PDE4B: variants seen among roughly 807,000 people sequenced by gnomAD.
PDE4B encodes 3',5'-cyclic-AMP phosphodiesterase 4B.
A neutral mutation model predicts 82.2 loss-of-function variants in PDE4B; 20 were observed. That is an observed-to-expected ratio of 0.24 (90% CI 0.17 to 0.35). The LOEUF (loss-of-function observed/expected upper bound fraction) is 0.35, where lower values mean the gene tolerates loss of function less well. Ranked by LOEUF, PDE4B falls within the 10% of genes least tolerant of loss-of-function variation. The pLI, the probability that PDE4B is intolerant of heterozygous loss-of-function variation, is 1.00. For missense variants in PDE4B, 655 were observed against 907.2 expected (o/e 0.72, Z 3.57); for synonymous variants, 320 against 318.9 (o/e 1.00, Z -0.04).
chr1:65,898,765 G>A (rs1463735022), intron 1 of PDE4B, among the ~76,000 whole-genome samples: 1 of 152,172 alleles, frequency 6.6e-6, no homozygotes. Flanking sequence ...CTAGCCAAAT[G>A]TAGGAGAATG....
intron 3 of PDE4B, among the ~76,000 whole-genome samples, chr1:66,186,838 C>G (rs535860474): frequency 6.6e-6 from 1 of 152,108 alleles, no homozygotes; most frequent in Non-Finnish European, 1.5e-5. Flanking sequence ...CTTCTCCTGC[C>G]TAATTGCCCG....
At chr1:66,000,246 A>G (rs1404447664) in intron 3 of PDE4B, among the ~76,000 whole-genome samples, 1 of 152,214 alleles carries the variant, frequency 6.6e-6, no homozygotes, top group African/African-American at 2.4e-5. Flanking sequence ...GAAGTGTTGT[A>G]TGGGGGAATC....
At chr1:66,055,925 T>C (rs1350599320) in intron 3 of PDE4B, among the ~76,000 whole-genome samples, 1 of 152,206 alleles carries the variant, frequency 6.6e-6, no homozygotes, top group Non-Finnish European at 1.5e-5. Context: ...TTCAATATTG[T>C]TCACATTCAT....
In PDE4B at chr1:66,196,358, T is replaced by C. The variant is rs563486614; in HGVS notation, c.282-51102T>C. On this transcript the variant is annotated intron_variant, in intron 3 of 16. Transcript: ENST00000341517. Reference sequence around the variant, plus strand: ...TAGGCCTTTTTCTGCATCAACAGTCTACAGAGCTGAGAGTCAAGCATTGAT... The same window carrying C: ...TAGGCCTTTTTCTGCATCAACAGTCCACAGAGCTGAGAGTCAAGCATTGAT... 5.4e-4 allele frequency among the ~76,000 whole-genome samples: 83 copies of C among 152,314 alleles called. 1 individual carries two copies. Among genetic ancestry groups the C allele is most frequent in the African/African-American group, 1.8e-3 (75 of 41,578 alleles).
At chr1:65,908,894 T>C (rs1334471610) in intron 1 of PDE4B, among the ~76,000 whole-genome samples, 1 of 152,156 alleles carries the variant, frequency 6.6e-6, no homozygotes. Flanking sequence ...AAGAAGACTT[T>C]TCCCTCTTGT....
intron 3 of PDE4B, among the ~76,000 whole-genome samples, chr1:66,071,135 TAA>T (rs1336751082): frequency 6.6e-6 from 1 of 152,086 alleles, no homozygotes; most frequent in Admixed American, 6.6e-5. Flanking sequence ...CTAATAATAT[TAA>T]GAGAGGGTCA....
At chr1:66,353,486 A>G (rs1661996114) in intron 8 of PDE4B, among the ~76,000 whole-genome samples, 1 of 152,246 alleles carries the variant, frequency 6.6e-6, no homozygotes, top group African/African-American at 2.4e-5. Context: ...GGAATGCCTC[A>G]CAGGAAAAAG....
chr1:66,022,386 G>C (rs1416507635), intron 3 of PDE4B, among the ~76,000 whole-genome samples: 2 of 152,176 alleles, frequency 1.3e-5, no homozygotes, highest in Non-Finnish European at 2.9e-5. Context: ...TCTTGTGCCA[G>C]TTTTTAAAGG....
chr1:65,829,111 G>A (rs1646052140), intron 1 of PDE4B, among the ~76,000 whole-genome samples: 1 of 152,132 alleles, frequency 6.6e-6, no homozygotes, highest in Admixed American at 6.5e-5. Flanking sequence ...TTAAATGTAA[G>A]AGGATATGGA....
At chr1:65,924,004 C>T (rs1647352643) in intron 3 of PDE4B, among the ~76,000 whole-genome samples, 1 of 150,658 alleles carries the variant, frequency 6.6e-6, no homozygotes, top group Admixed American at 6.6e-5. Flanking sequence ...TAATTTATTC[C>T]ACATTTTTTT....
intron 6 of PDE4B, among the ~76,000 whole-genome samples, chr1:66,260,776 C>T (rs1479560545): frequency 6.6e-6 from 1 of 152,116 alleles, no homozygotes; most frequent in African/African-American, 2.4e-5. Context: ...GGGTTTTGGT[C>T]CTTGTGAACT....
chr1:66,339,837 TG>T (rs1225762396), intron 8 of PDE4B, among the ~76,000 whole-genome samples: 16 of 115,602 alleles, frequency 1.4e-4, no homozygotes, highest in African/African-American at 2.8e-4. Context: ...TTTTTTTGTT[TG>T]TTTTTTTTGT....
chr1:66,248,769 A>T (rs1486539201), intron 4 of PDE4B, among the ~76,000 whole-genome samples: 1 of 152,260 alleles, frequency 6.6e-6, no homozygotes, highest in Non-Finnish European at 1.5e-5. Context: ...ACAGCTAAAT[A>T]AGAAAGATAA....
At chr1:66,134,545 C>T (rs2101122394) in intron 3 of PDE4B, among the ~76,000 whole-genome samples, 1 of 152,288 alleles carries the variant, frequency 6.6e-6, no homozygotes, top group African/African-American at 2.4e-5. Context: ...GCTTGTTGGG[C>T]TGAACATGGG....
intron 3 of PDE4B, among the ~76,000 whole-genome samples, chr1:66,221,075 A>C (rs563672714): frequency 6.6e-6 from 1 of 152,250 alleles, no homozygotes; most frequent in African/African-American, 2.4e-5. Flanking sequence ...AGATTTTGGG[A>C]GCACCTACAA....
intron 3 of PDE4B, among the ~76,000 whole-genome samples, chr1:65,990,168 A>G (rs1286650598): frequency 6.6e-6 from 1 of 152,142 alleles, no homozygotes; most frequent in Non-Finnish European, 1.5e-5. Flanking sequence ...AAGTGAAAAA[A>G]GTAATGTGGA....
chr1:65,987,447 G>C (rs2503192), intron 3 of PDE4B, among the ~76,000 whole-genome samples: 149,404 of 152,308 alleles, frequency 0.98, 73,333 homozygotes, highest in Middle Eastern at 1. Context: ...CTGGATCACC[G>C]TGGGAGCATG....
intron 3 of PDE4B, among the ~76,000 whole-genome samples, chr1:66,087,475 C>T (rs570244497): frequency 1.5e-3 from 234 of 152,190 alleles, no homozygotes; most frequent in Non-Finnish European, 1.8e-3. Context: ...GTTTCTTTTG[C>T]TGTGCAGAAG....
At position 66,022,074 on chromosome 1, in the gene PDE4B, A is replaced by G. The variant is rs560059741; in HGVS notation, c.281+103239A>G. ...TAGATATTTTATTGTCTTTGAAGCAATTGTGAGTGGGAGTTCACTCGTGAT... is the reference window on the plus strand; with the variant it reads ...TAGATATTTTATTGTCTTTGAAGCAGTTGTGAGTGGGAGTTCACTCGTGAT... On this transcript the variant is annotated intron_variant, in intron 3 of 16. Transcript: ENST00000341517. Among the ~76,000 whole-genome samples, 87 of 152,302 alleles carry G rather than the reference A, an allele frequency of 5.7e-4. 1 individual carries two copies. The South Asian group carries it at 0.018, about 31-fold the overall frequency.
Sources: gnomAD v4.1 joint callset for allele counts (sites outside exome capture counted in the v4.1 genomes callset) on GRCh38, gnomAD v4.1.1 for gene constraint, MANE v1.5 for transcripts, NCBI Gene and HGNC (gene_info 2026-07-23, HGNC 2026-07-21) for gene names.